UBAC2: variants seen among roughly 807,000 people sequenced by gnomAD.
UBAC2 encodes the protein ubiquitin-associated domain-containing protein 2.
Under a neutral mutation model 44.0 loss-of-function variants are expected in UBAC2, and 26 were observed. The ratio of observed to expected loss-of-function variants is 0.59; its 90% CI spans 0.43 to 0.82. The LOEUF (loss-of-function observed/expected upper bound fraction) is 0.82. Among genes scored for constraint, UBAC2 ranks in the 40% least tolerant of loss-of-function variants. UBAC2 has a pLI of 0.00. For missense variants in UBAC2, 329 were observed against 419.4 expected (o/e 0.78, Z 1.88); for synonymous variants, 155 against 154.3 (o/e 1.00, Z -0.04).
chr13:99,281,530 A>G (rs2043954403), intron 4 of UBAC2, among the ~76,000 whole-genome samples: 2 of 152,182 alleles, frequency 1.3e-5, no homozygotes, highest in Non-Finnish European at 1.5e-5. Context: ...CAGGTGTGCC[A>G]CTTTCTCTCC....
At chr13:99,265,637 A>T (rs544262984) in intron 4 of UBAC2, among the ~76,000 whole-genome samples, 117 of 152,308 alleles carry the variant, frequency 7.7e-4, no homozygotes, top group African/African-American at 2.7e-3. Context: ...AGGACCTGGC[A>T]CGTGCGTCTT....
At chr13:99,260,022 T>C (rs1342096512) in intron 4 of UBAC2, among the ~76,000 whole-genome samples, 1 of 152,234 alleles carries the variant, frequency 6.6e-6, no homozygotes, top group Non-Finnish European at 1.5e-5. Flanking sequence ...TCCAGCCCTC[T>C]GGACTGGCTA....
intron 7 of UBAC2, chr13:99,351,319 G>C: frequency 3.0e-6 from 1 of 338,540 alleles, no homozygotes; most frequent in Non-Finnish European, 5.8e-6. Context: ...TAGAGCAACA[G>C]TCAGCAGGTG....
intron 6 of UBAC2, among the ~76,000 whole-genome samples, chr13:99,328,072 G>A (rs2044664762): frequency 6.6e-6 from 1 of 151,952 alleles, no homozygotes; most frequent in Admixed American, 6.6e-5. Flanking sequence ...TGCCTTTGCT[G>A]GAATTTCATA....
At chr13:99,280,373 G>A (rs947540533) in intron 4 of UBAC2, among the ~76,000 whole-genome samples, 3 of 152,054 alleles carry the variant, frequency 2.0e-5, no homozygotes, top group Non-Finnish European at 2.9e-5. Flanking sequence ...CATTTATTAC[G>A]ACAATTGTGG....
chr13:99,365,880 TATTA>T (rs1396351998), intron 7 of UBAC2, among the ~76,000 whole-genome samples: 2 of 152,208 alleles, frequency 1.3e-5, no homozygotes, highest in East Asian at 1.9e-4. Context: ...CTTGTAATTC[TATTA>T]ATTTTTGCTT....
rs1434828575 is a variant in UBAC2, at chr13:99,295,116, G to A, written c.390-18981G>A. On this transcript the variant is annotated intron_variant, in intron 4 of 8. Coordinates refer to ENST00000403766, the MANE Select transcript of UBAC2 (RefSeq NM_001144072.2). This position sits in a 1 kb window ranked among gnomAD's most constrained non-coding sequence, Gnocchi z 4.1. ...ATCATCTGCGTTTCTGTCATTTCAC[G>A]TGAATTTTCTTCAGGGGCTGACTTC... 4.3e-6 allele frequency: 7 copies of A among 1,613,882 alleles called. No homozygotes were observed. Among genetic ancestry groups the A allele is most frequent in the South Asian group, 2.2e-5 (2 of 91,056 alleles).
At chr13:99,221,506 T>G (rs754282727) in intron 1 of UBAC2, among the ~76,000 whole-genome samples, 9 of 152,204 alleles carry the variant, frequency 5.9e-5, no homozygotes, top group Non-Finnish European at 1.3e-4. Context: ...CTCACTAGCT[T>G]CTTCTTGCAC....
intron 6 of UBAC2, among the ~76,000 whole-genome samples, chr13:99,324,397 TCC>T (rs1166473581): frequency 2.0e-5 from 3 of 150,318 alleles, no homozygotes; most frequent in African/African-American, 7.3e-5. Context: ...CATTGCTCTG[TCC>T]CCTTTGCCAT....
At chr13:99,275,511 C>A (rs1330399412) in intron 4 of UBAC2, among the ~76,000 whole-genome samples, 3 of 150,334 alleles carry the variant, frequency 2.0e-5, no homozygotes, top group African/African-American at 7.4e-5. Flanking sequence ...ATATTTATAA[C>A]CTATTTTAAA....
At chr13:99,249,834 A>G (rs1020232584) in intron 4 of UBAC2, among the ~76,000 whole-genome samples, 1 of 151,854 alleles carries the variant, frequency 6.6e-6, no homozygotes, top group African/African-American at 2.4e-5. Flanking sequence ...ACCTTTGAGC[A>G]TTTTTTCTTG....
At chr13:99,312,541 G>A (rs1020000873) in intron 4 of UBAC2, among the ~76,000 whole-genome samples, 1 of 152,168 alleles carries the variant, frequency 6.6e-6, no homozygotes, top group East Asian at 1.9e-4. Context: ...TGTAGCTCCT[G>A]TGCTGGGCAT....
chr13:99,341,872 A>T (rs542533835), intron 7 of UBAC2, among the ~76,000 whole-genome samples: 3 of 152,214 alleles, frequency 2.0e-5, no homozygotes, highest in African/African-American at 7.2e-5. Flanking sequence ...GAAGTAGGGG[A>T]TGGTTCTGAT....
intron 4 of UBAC2, among the ~76,000 whole-genome samples, chr13:99,310,392 C>T (rs2044396442): frequency 6.6e-6 from 1 of 152,180 alleles, no homozygotes; most frequent in African/African-American, 2.4e-5. Flanking sequence ...TCTGTGCTAC[C>T]AGCCTCATCT....
At chr13:99,337,733 C>G (rs2044810318) in intron 6 of UBAC2, among the ~76,000 whole-genome samples, 1 of 151,976 alleles carries the variant, frequency 6.6e-6, no homozygotes, top group African/African-American at 2.4e-5. Context: ...CTTGGCCTTC[C>G]CAACCCACAT....
intron 7 of UBAC2, among the ~76,000 whole-genome samples, chr13:99,359,314 G>A (rs1007077277): frequency 2.6e-5 from 4 of 152,190 alleles, no homozygotes; most frequent in African/African-American, 9.7e-5. Context: ...CAGACTATGA[G>A]CTTCTAAAAG....
intron 4 of UBAC2, chr13:99,255,508 G>T: frequency 6.2e-7 from 1 of 1,614,114 alleles, no homozygotes; most frequent in Non-Finnish European, 8.5e-7. Context: ...CTGTACAATG[G>T]CCATGTATCT....
chr13:99,201,482 G>A, intron 1 of UBAC2: 2 of 1,614,234 alleles, frequency 1.2e-6, no homozygotes, highest in South Asian at 1.1e-5. Context: ...CTTTCAAGTG[G>A]AGGGAAGTTA....
chr13:99,265,901 C>T (rs1374994471), intron 4 of UBAC2, among the ~76,000 whole-genome samples: 4 of 152,220 alleles, frequency 2.6e-5, no homozygotes, highest in East Asian at 1.9e-4. Flanking sequence ...AAAAAGGTTT[C>T]GTATCAGAGA....
Sources: allele counts gnomAD v4.1 joint callset (sites outside exome capture counted in the v4.1 genomes callset), GRCh38; gene constraint gnomAD v4.1.1; non-coding constraint Gnocchi (gnomAD v3.1); transcripts MANE v1.5; gene names NCBI Gene and HGNC (gene_info 2026-07-23, HGNC 2026-07-21).